The following CALN1 variants were observed in gnomAD, a reference collection of about 807,000 sequenced individuals.
The protein encoded by CALN1 is calneuron 1, also known as calcium-binding protein 8.
A neutral mutation model predicts 30.6 loss-of-function variants in CALN1; 17 were observed. That is an observed-to-expected ratio of 0.56 (90% confidence interval 0.38 to 0.83). The LOEUF (loss-of-function observed/expected upper bound fraction) is 0.83, where lower values mean the gene tolerates loss of function less well. Ranked by LOEUF, CALN1 falls within the 40% of genes least tolerant of loss-of-function variation. The pLI is 0.00. For synonymous variants in CALN1, 156 were observed against 131.4 expected (o/e 1.19, Z -1.28); for missense variants, 291 against 354.9 (o/e 0.82, Z 1.45).
At chr7:72,086,712 C>T (rs1805507029) in intron 4 of CALN1, among the ~76,000 whole-genome samples, 1 of 152,094 alleles carries the variant, frequency 6.6e-6, no homozygotes, top group South Asian at 2.1e-4. Context: ...GGGATTTTTA[C>T]ACAGGCGTGA....
At chr7:72,212,117 C>A (rs940903634) in intron 3 of CALN1, among the ~76,000 whole-genome samples, 5 of 151,978 alleles carry the variant, frequency 3.3e-5, no homozygotes, top group Admixed American at 6.6e-5. Context: ...CTTTGGGAGG[C>A]CAAGGCGGGC....
chr7:72,231,117 CTTTTT>C (rs111621633), intron 3 of CALN1, among the ~76,000 whole-genome samples: 4 of 147,402 alleles, frequency 2.7e-5, no homozygotes, highest in Non-Finnish European at 4.5e-5. Flanking sequence ...GCAGTACACG[CTTTTT>C]TTTTTTAATT....
intron 4 of CALN1, among the ~76,000 whole-genome samples, chr7:72,056,832 A>T (rs1304082983): frequency 1.3e-5 from 2 of 152,222 alleles, no homozygotes. Context: ...TTAAACATGT[A>T]GAAAATGTTC....
chr7:71,963,445 G>A (rs1373638542), intron 5 of CALN1, among the ~76,000 whole-genome samples: 2 of 152,116 alleles, frequency 1.3e-5, no homozygotes, highest in Non-Finnish European at 2.9e-5. Flanking sequence ...ACAGGTGTGA[G>A]CCACTGTGCC....
chr7:71,947,463 C>A lies in CALN1; in HGVS notation c.501+76194G>T, dbSNP rs550728614. 6.6e-5 allele frequency among the ~76,000 whole-genome samples: 10 copies of A among 152,236 alleles called. No individual in the cohort carries two copies. The South Asian group carries it at 2.1e-3, about 32-fold the overall frequency. ...ATGATACTGATAGTGAGAATGAGAT[C>A]AGACATGGAAGCCAGAGACTCTCTA... On this transcript the variant is annotated intron_variant, in intron 5 of 6. Transcript: ENST00000395275.
At chr7:72,097,550 GTAATCCC>G (rs1354555490) in intron 4 of CALN1, among the ~76,000 whole-genome samples, 1 of 151,468 alleles carries the variant, frequency 6.6e-6, no homozygotes, top group East Asian at 2.0e-4. Context: ...GCTCAAGCCT[GTAATCCC>G]AGCACTTTGG....
intron 2 of CALN1, among the ~76,000 whole-genome samples, chr7:72,375,568 G>A (rs199548778): frequency 1.0e-4 from 14 of 136,482 alleles, no homozygotes; most frequent in South Asian, 2.4e-4. Context: ...CTGCCTCCAG[G>A]AAAAAAAAAA....
At chr7:72,130,678 G>T (rs1288424383) in intron 3 of CALN1, among the ~76,000 whole-genome samples, 4 of 152,122 alleles carry the variant, frequency 2.6e-5, no homozygotes, top group African/African-American at 7.2e-5. Flanking sequence ...AGGAGGGACA[G>T]GTGTTATGAG....
intron 3 of CALN1, among the ~76,000 whole-genome samples, chr7:72,202,025 G>A (rs1294466218): frequency 6.6e-6 from 1 of 152,162 alleles, no homozygotes; most frequent in East Asian, 1.9e-4. Flanking sequence ...GGAGGAGCAA[G>A]CCTCAAAACA....
intron 5 of CALN1, among the ~76,000 whole-genome samples, chr7:71,817,600 C>G (rs1294908612): frequency 6.6e-6 from 1 of 152,232 alleles, no homozygotes; most frequent in Non-Finnish European, 1.5e-5. Flanking sequence ...ACTACAATCT[C>G]TGCCTCCCAG....
intron 2 of CALN1, among the ~76,000 whole-genome samples, chr7:72,354,762 T>C (rs1803125166): frequency 1.3e-5 from 2 of 152,188 alleles, no homozygotes; most frequent in South Asian, 2.1e-4. Flanking sequence ...AAATGAACTT[T>C]GATACTTTAT....
At chr7:72,391,749 G>A (rs562332677) in intron 2 of CALN1, among the ~76,000 whole-genome samples, 13 of 152,242 alleles carry the variant, frequency 8.5e-5, no homozygotes, top group Non-Finnish European at 1.3e-4. Context: ...CTGCCACCAT[G>A]TAAGACATGC....
chr7:71,994,658 C>A (rs975324201), intron 5 of CALN1, among the ~76,000 whole-genome samples: 1 of 151,602 alleles, frequency 6.6e-6, no homozygotes, highest in Non-Finnish European at 1.5e-5. Context: ...GTTTAATAGG[C>A]GAAAGAAAGA....
At chr7:72,029,440 T>C (rs567980932) in intron 4 of CALN1, among the ~76,000 whole-genome samples, 182 of 152,124 alleles carry the variant, frequency 1.2e-3, no homozygotes, top group Non-Finnish European at 2.2e-3. Flanking sequence ...CCCCATTTCC[T>C]GGCCAGAACT....
In CALN1 at chr7:71,903,901, A is replaced by AT. The variant is rs549556761; in HGVS notation, c.502-93410dup. ...AATAGGCAAAAGACCTGAATAGATG[A>AT]TTTTTTCAAAATAAGACATATGAAT... On this transcript the variant is annotated intron_variant, in intron 5 of 6. Transcript: ENST00000395275. Among the ~76,000 whole-genome samples, 272 of 152,212 alleles carry AT rather than the reference A, an allele frequency of 1.8e-3. 1 individual carries two copies. The highest frequency in any genetic ancestry group is 6.2e-3 in the African/African-American group (258 of 41,570).
intron 2 of CALN1, among the ~76,000 whole-genome samples, chr7:72,398,817 T>C (rs1368806550): frequency 2.6e-5 from 4 of 152,238 alleles, no homozygotes; most frequent in Non-Finnish European, 4.4e-5. Flanking sequence ...CATATGACTT[T>C]AGAAAAGTTT....
chr7:72,165,662 T>C (rs1290538974), intron 3 of CALN1, among the ~76,000 whole-genome samples: 1 of 152,038 alleles, frequency 6.6e-6, no homozygotes, highest in Non-Finnish European at 1.5e-5. Flanking sequence ...TATCAAATTT[T>C]AAAAATGGAG....
intron 3 of CALN1, among the ~76,000 whole-genome samples, chr7:72,205,567 T>TATATATATATATATATATATATATATAA (rs1562733737): frequency 8.5e-6 from 1 of 118,204 alleles, no homozygotes; most frequent in African/African-American, 3.6e-5. Context: ...TATATATATA[T>TATATATATATATATATATATATATATAA]GTATATATAT....
chr7:71,862,222 AT>A (rs1325368661), intron 5 of CALN1, among the ~76,000 whole-genome samples: 1 of 152,222 alleles, frequency 6.6e-6, no homozygotes, highest in Non-Finnish European at 1.5e-5. Context: ...TGAAATTAAG[AT>A]CAGCACATGC....
Sources: allele counts gnomAD v4.1 joint callset (sites outside exome capture counted in the v4.1 genomes callset), GRCh38; gene constraint gnomAD v4.1.1; transcripts MANE v1.5; gene names NCBI Gene and HGNC (gene_info 2026-07-23, HGNC 2026-07-21).